Variants in RAB11FIP3 observed in about 807,000 individuals in gnomAD.
RAB11FIP3 encodes RAB11 family interacting protein 3, also known as rab11 family-interacting protein 3.
Under a neutral mutation model 77.8 loss-of-function variants are expected in RAB11FIP3, and 17 were observed. The ratio of observed to expected loss-of-function variants is 0.22; its 90% CI spans 0.15 to 0.33. The LOEUF is 0.33. Among genes scored for constraint, RAB11FIP3 ranks in the 10% least tolerant of loss-of-function variants. The pLI is 1.00. For synonymous variants in RAB11FIP3, 437 were observed against 448.2 expected (o/e 0.98, Z 0.31); for missense variants, 1,005 against 1,011.2 (o/e 0.99, Z 0.08).
chr16:507,747 C>G lies in RAB11FIP3; in HGVS notation c.1499+2120C>G, dbSNP rs184474655. ...CCAACGTCCTAAACAACACGTTTCCCGTTTTCAGTATCATCTGCCCGTTCT... is the reference window on the plus strand; with the variant it reads ...CCAACGTCCTAAACAACACGTTTCCGGTTTTCAGTATCATCTGCCCGTTCT... On this transcript the variant is annotated intron_variant, in intron 8 of 13. Transcript: ENST00000262305. The surrounding 1 kb of genome is among the most constrained non-coding windows in gnomAD (Gnocchi z 4.6). Among the ~76,000 whole-genome samples, 3 of 152,348 alleles carry G rather than the reference C, an allele frequency of 2.0e-5. No homozygotes were observed. The East Asian group carries it at 5.8e-4, about 29-fold the overall frequency.
intron 5 of RAB11FIP3, among the ~76,000 whole-genome samples, chr16:490,148 C>T (rs1047980706): frequency 2.6e-5 from 4 of 152,238 alleles, no homozygotes; most frequent in Non-Finnish European, 5.9e-5. Flanking sequence ...GTCTATGCTA[C>T]ATTGTATGTT....
At chr16:502,727 G>C (rs1398224989) in intron 6 of RAB11FIP3, 8 of 519,778 alleles carry the variant, frequency 1.5e-5, no homozygotes, top group Non-Finnish European at 2.7e-5. Flanking sequence ...CTGGGACTGA[G>C]GTCATGTTCT....
At chr16:489,905 G>A (rs189465832) in intron 5 of RAB11FIP3, among the ~76,000 whole-genome samples, 89 of 152,318 alleles carry the variant, frequency 5.8e-4, no homozygotes, top group African/African-American at 1.9e-3. Flanking sequence ...TGGTCCCGGC[G>A]AGCGTCCTGG....
At chr16:456,909 G>A (rs1421044082) in intron 1 of RAB11FIP3, among the ~76,000 whole-genome samples, 15 of 152,064 alleles carry the variant, frequency 9.9e-5, no homozygotes, top group African/African-American at 2.7e-4. Flanking sequence ...CAGGTGAGCC[G>A]CAGGCTTCAG....
At chr16:445,379 CA>C (rs2055297799) in intron 1 of RAB11FIP3, among the ~76,000 whole-genome samples, 2 of 151,622 alleles carry the variant, frequency 1.3e-5, no homozygotes, top group African/African-American at 4.9e-5. Flanking sequence ...GCGGAGTTTA[CA>C]GTGAGCTGAG....
At chr16:496,789 T>G (rs1465807840) in intron 5 of RAB11FIP3, 35 bp from the exon 6 acceptor site, 2 of 1,559,142 alleles carry the variant, frequency 1.3e-6, no homozygotes, top group South Asian at 1.1e-5. Flanking sequence ...CTGTCTGTTC[T>G]AACAATTTTC....
chr16:522,343 C>G lies in RAB11FIP3; in HGVS notation c.*1504C>G, dbSNP rs1049549802. 20 of 151,644 alleles carry G rather than the reference C, an allele frequency of 1.3e-4. No individual in the cohort carries two copies. The highest frequency in any genetic ancestry group is 4.8e-4 in the African/African-American group (20 of 41,336). 9.4% of individuals were successfully genotyped at this position (151,644 alleles called of 1,614,324 possible). On this transcript the variant is annotated 3_prime_UTR_variant, in exon 14 of 14. Transcript: ENST00000262305. ...CCAGCCCTGGTGACATGGCACCACT[C>G]AGCAGTGCTGTCACTGTAAGCATGG...
rs537002237 is a variant in RAB11FIP3 at position 503,152 on chromosome 16, G to A, written c.1395+55G>A. On this transcript the variant is annotated intron_variant, in intron 7 of 13. Coordinates refer to ENST00000262305, the MANE Select transcript of RAB11FIP3 (RefSeq NM_014700.4). ...AGTAGGGGATTTAGAACACAGCCAC[G>A]CCTAAGGGCCGCTGCAGACACCCCG... 11 of 1,422,906 alleles carry A rather than the reference G, an allele frequency of 7.7e-6. No homozygotes were observed. The Admixed American group carries it at 1.1e-4, about 14-fold the overall frequency. The allele number at this position is 1,422,906 out of a possible 1,614,324, so 88.1% of individuals were successfully genotyped here. A position where few individuals can be genotyped will look rare whatever the true frequency, so the allele number is the denominator to read the frequency against.
At chr16:497,585 G>C in intron 6 of RAB11FIP3, 3 of 730,560 alleles carry the variant, frequency 4.1e-6, no homozygotes, top group Non-Finnish European at 5.5e-6. Context: ...CTGCCCTGTT[G>C]TGCCGGGCGT....
At chr16:498,639 C>T (rs2031310685) in intron 6 of RAB11FIP3, among the ~76,000 whole-genome samples, 1 of 152,162 alleles carries the variant, frequency 6.6e-6, no homozygotes, top group South Asian at 2.1e-4. Flanking sequence ...CCTCCTCAGC[C>T]TCCCGAGCAG....
At chr16:474,934 C>T (rs1435768314) in intron 3 of RAB11FIP3, 5 of 1,546,640 alleles carry the variant, frequency 3.2e-6, no homozygotes, top group Admixed American at 2.0e-5. Flanking sequence ...GCAGAAACCC[C>T]AGCATGACAA....
chr16:450,325 A>C (rs2055386564), intron 1 of RAB11FIP3, among the ~76,000 whole-genome samples: 1 of 151,876 alleles, frequency 6.6e-6, no homozygotes. Context: ...ATGCACCACC[A>C]TGCCCAGCTC....
intron 1 of RAB11FIP3, among the ~76,000 whole-genome samples, chr16:452,145 CCTTAAAAA>C (rs2055418996): frequency 6.6e-6 from 1 of 151,802 alleles, no homozygotes; most frequent in Non-Finnish European, 1.5e-5. Context: ...GAGTGAAACT[CCTTAAAAA>C]AATAAAAAGG....
intron 1 of RAB11FIP3, among the ~76,000 whole-genome samples, chr16:435,272 T>C (rs1004568579): frequency 6.6e-6 from 1 of 152,050 alleles, no homozygotes; most frequent in African/African-American, 2.4e-5. Context: ...AGGAAGAGTT[T>C]AGTTCTGTGT....
At chr16:478,061 G>A (rs143004112) in intron 3 of RAB11FIP3, among the ~76,000 whole-genome samples, 1 of 152,294 alleles carries the variant, frequency 6.6e-6, no homozygotes, top group Non-Finnish European at 1.5e-5. Flanking sequence ...ATGGAACTGC[G>A]GCCTCCCGCA....
intron 2 of RAB11FIP3, among the ~76,000 whole-genome samples, chr16:462,553 CT>C (rs1309829368): frequency 6.6e-6 from 1 of 151,746 alleles, no homozygotes; most frequent in East Asian, 1.9e-4. Context: ...TTTCACCTGT[CT>C]TGAGGGTTCG....
chr16:441,555 T>C (rs1444798822), intron 1 of RAB11FIP3, among the ~76,000 whole-genome samples: 1 of 152,240 alleles, frequency 6.6e-6, no homozygotes, highest in Non-Finnish European at 1.5e-5. Context: ...ATAATCGCTA[T>C]GCTGGGTACT....
intron 1 of RAB11FIP3, among the ~76,000 whole-genome samples, chr16:427,599 T>G (rs1002562995): frequency 6.6e-6 from 1 of 152,212 alleles, no homozygotes; most frequent in Non-Finnish European, 1.5e-5. Flanking sequence ...CCGGTGGACA[T>G]CAAATAATAC....
At chr16:468,239 T>A (rs2055747321) in intron 2 of RAB11FIP3, among the ~76,000 whole-genome samples, 1 of 144,330 alleles carries the variant, frequency 6.9e-6, no homozygotes, top group Non-Finnish European at 1.5e-5. Context: ...AGGGAGGAGG[T>A]GCTGGGGCGT....
Sources: allele counts gnomAD v4.1 joint callset (sites outside exome capture counted in the v4.1 genomes callset), GRCh38; gene constraint gnomAD v4.1.1; non-coding constraint Gnocchi (gnomAD v3.1); transcripts MANE v1.5; gene names NCBI Gene and HGNC (gene_info 2026-07-23, HGNC 2026-07-21).